Variants in TBC1D16 observed in about 807,000 individuals in gnomAD.
The protein encoded by TBC1D16 is CTD-2529O21.1.
TBC1D16 carries 58 observed loss-of-function variants against 74.7 expected under a neutral mutation model. That is an observed-to-expected ratio of 0.78 (90% confidence interval 0.63 to 0.97). The LOEUF (loss-of-function observed/expected upper bound fraction) is 0.97. Ranked by LOEUF, TBC1D16 falls within the 50% of genes least tolerant of loss-of-function variation. The pLI is 0.00. For synonymous variants in TBC1D16, 493 were observed against 474.7 expected (o/e 1.04, Z -0.50); for missense variants, 1,014 against 1,079.5 (o/e 0.94, Z 0.85).
chr17:80,019,155 G>A (rs1251860358), intron 1 of TBC1D16, among the ~76,000 whole-genome samples: 9 of 150,176 alleles, frequency 6.0e-5, no homozygotes, highest in Non-Finnish European at 1.2e-4. Context: ...AAGTGAAAAT[G>A]TTTTGCCAGC....
intron 7 of TBC1D16, among the ~76,000 whole-genome samples, chr17:79,949,493 T>C (rs867677743): frequency 1.3e-5 from 2 of 152,264 alleles, no homozygotes; most frequent in Middle Eastern, 3.4e-3. Context: ...TCTAAAACCT[T>C]GACATGTGAG....
chr17:79,995,551 T>A (rs191761010), intron 3 of TBC1D16, among the ~76,000 whole-genome samples: 51,079 of 140,152 alleles, frequency 0.36, 10,409 homozygotes, highest in Admixed American at 0.5. Flanking sequence ...TTTGGGAGGC[T>A]GAGGTGGGCA....
chr17:79,973,453 T>C (rs1390664447), intron 3 of TBC1D16, among the ~76,000 whole-genome samples: 1 of 152,168 alleles, frequency 6.6e-6, no homozygotes, highest in East Asian at 1.9e-4. Context: ...CTTACGCCTG[T>C]AATCCCAGCA....
rs2031615993 is a variant in TBC1D16 at position 79,936,756 on chromosome 17, A to G, written c.*4103T>C. On this transcript the variant is annotated 3_prime_UTR_variant, in exon 12 of 12. Coordinates refer to ENST00000310924, the MANE Select transcript of TBC1D16 (RefSeq NM_019020.4). ...GGAACGGCCGTGCAGCCTGGCTTAG[A>G]AACAAGGGACGAAGTGGATCCTGAG... The G allele has an allele frequency of 6.6e-6, 1 of 152,250 alleles. No homozygotes were observed. The highest frequency in any genetic ancestry group is 2.4e-5 in the African/African-American group (1 of 41,452). The allele number at this position is 152,250 out of a possible 1,614,324, so 9.4% of individuals were successfully genotyped here.
intron 3 of TBC1D16, among the ~76,000 whole-genome samples, chr17:79,970,444 T>C (rs2034038908): frequency 6.6e-6 from 1 of 152,240 alleles, no homozygotes; most frequent in Non-Finnish European, 1.5e-5. Context: ...AAGGTCACTA[T>C]GCACCCGCTC....
At chr17:80,005,020 C>T (rs2035622550) in intron 3 of TBC1D16, among the ~76,000 whole-genome samples, 1 of 152,140 alleles carries the variant, frequency 6.6e-6, no homozygotes. Context: ...AGGATGAGGT[C>T]CAGAGGAGAC....
At chr17:79,969,423 A>G (rs114931149) in intron 3 of TBC1D16, among the ~76,000 whole-genome samples, 1 of 152,250 alleles carries the variant, frequency 6.6e-6, no homozygotes, top group African/African-American at 2.4e-5. Flanking sequence ...GTCAAAAACA[A>G]CGTTGAGATA....
chr17:79,968,841 TCAAAAAAA>T (rs2033952487), intron 3 of TBC1D16, among the ~76,000 whole-genome samples: 1 of 31,060 alleles, frequency 3.2e-5, no homozygotes, highest in Non-Finnish European at 5.5e-5. Flanking sequence ...AGATGCCGTC[TCAAAAAAA>T]AAAAAAAAAA....
At chr17:80,019,632 C>A (rs2036218246) in intron 1 of TBC1D16, among the ~76,000 whole-genome samples, 1 of 150,014 alleles carries the variant, frequency 6.7e-6, no homozygotes, top group Admixed American at 6.6e-5. Context: ...TGGTCACCAG[C>A]AAACTAGAAG....
Position 79,937,583 on chromosome 17 carries a change from G to A in TBC1D16, c.*3276C>T, listed in dbSNP as rs1338708278. ...GACCCTCCTCCTCCCCCGCAGGGGTGGGCTGGGGCCCTCCCTCCCTCTGTA... is the reference window on the plus strand; with the variant it reads ...GACCCTCCTCCTCCCCCGCAGGGGTAGGCTGGGGCCCTCCCTCCCTCTGTA... On this transcript the variant is annotated 3_prime_UTR_variant, in exon 12 of 12. Transcript: ENST00000310924. 6.6e-6 allele frequency: 1 copy of A among 152,354 alleles called. No individual in the cohort carries two copies. Among genetic ancestry groups the A allele is most frequent in the Non-Finnish European group, 1.5e-5 (1 of 68,136 alleles). The allele number at this position is 152,354 out of a possible 1,614,324, so 9.4% of individuals were successfully genotyped here. A position where few individuals can be genotyped will look rare whatever the true frequency, so the allele number is the denominator to read the frequency against.
At chr17:79,959,428 C>A (rs1264251113) in intron 3 of TBC1D16, among the ~76,000 whole-genome samples, 1 of 151,946 alleles carries the variant, frequency 6.6e-6, no homozygotes, top group Non-Finnish European at 1.5e-5. Flanking sequence ...ATAACCAGAG[C>A]GACTATAAAA....
chr17:80,032,965 T>C (rs1270415396), intron 1 of TBC1D16, among the ~76,000 whole-genome samples: 1 of 152,160 alleles, frequency 6.6e-6, no homozygotes, highest in Non-Finnish European at 1.5e-5. Context: ...CTGCTCCCCA[T>C]AGCATCCTGC....
At chr17:79,977,742 G>A (rs1375970156) in intron 3 of TBC1D16, among the ~76,000 whole-genome samples, 1 of 152,264 alleles carries the variant, frequency 6.6e-6, no homozygotes, top group Non-Finnish European at 1.5e-5. Context: ...TGCACACGGC[G>A]GTACTGGACT....
At chr17:79,959,148 G>A (rs957521591) in intron 3 of TBC1D16, among the ~76,000 whole-genome samples, 1 of 152,062 alleles carries the variant, frequency 6.6e-6, no homozygotes, top group Admixed American at 6.6e-5. Context: ...ATTTATAGTA[G>A]CAAAAAAATC....
chr17:80,025,384 G>A (rs1418599419), intron 1 of TBC1D16, among the ~76,000 whole-genome samples: 1 of 150,030 alleles, frequency 6.7e-6, no homozygotes, highest in Non-Finnish European at 1.5e-5. Flanking sequence ...CCCCCATGCT[G>A]GTCTGTCTTG....
At position 79,944,115 on chromosome 17, in the gene TBC1D16, G is replaced by A; in HGVS notation, c.1908+793C>T. On this transcript the variant is annotated intron_variant, in intron 10 of 11. Coordinates refer to ENST00000310924, the MANE Select transcript of TBC1D16 (RefSeq NM_019020.4). The surrounding 1 kb of genome is among the most constrained non-coding windows in gnomAD (Gnocchi z 7.7). The stretch of plus-strand genomic sequence containing the variant: ...TCATCAGACATCAGCCCCCTGCGGT[G>A]TGAGTGAGGACAGGAGACGCTGACG... The A allele has an allele frequency of 6.5e-7, 1 of 1,536,050 alleles. No individual in the cohort carries two copies. The highest frequency in any genetic ancestry group is 8.7e-7 in the Non-Finnish European group (1 of 1,146,872).
chr17:79,957,156 G>A (rs772365511), intron 3 of TBC1D16, among the ~76,000 whole-genome samples: 1 of 152,232 alleles, frequency 6.6e-6, no homozygotes, highest in African/African-American at 2.4e-5. Flanking sequence ...AGGTATTGGA[G>A]GAGTGAGCAG....
At chr17:79,998,410 C>T (rs982163559) in intron 3 of TBC1D16, among the ~76,000 whole-genome samples, 15 of 151,744 alleles carry the variant, frequency 9.9e-5, no homozygotes, top group Non-Finnish European at 1.0e-4. Context: ...TCACTGCAAC[C>T]TCCGCATTCT....
rs1035143432 is a variant in TBC1D16, at chr17:79,979,423, G to A, written c.780-26605C>T. ...CGTGGCCCTCTCGAGGTGAAGCTGC[G>A]ACACTGTGTGGAAACCCAGGGGAGA... On this transcript the variant is annotated intron_variant, in intron 3 of 11. Transcript: ENST00000310924. The surrounding 1 kb of genome is among the most constrained non-coding windows in gnomAD (Gnocchi z 4.8). Among the ~76,000 whole-genome samples the A allele has an allele frequency of 1.3e-5, 2 of 152,192 alleles. No individual in the cohort carries two copies. The highest frequency in any genetic ancestry group is 2.9e-5 in the Non-Finnish European group (2 of 68,042).
Sources: allele counts gnomAD v4.1 joint callset (sites outside exome capture counted in the v4.1 genomes callset), GRCh38; gene constraint gnomAD v4.1.1; non-coding constraint Gnocchi (gnomAD v3.1); transcripts MANE v1.5; gene names NCBI Gene and HGNC (gene_info 2026-07-23, HGNC 2026-07-21).